C12orf42: variants seen among roughly 807,000 people sequenced by gnomAD.
C12orf42 encodes the protein chromosome 12 open reading frame 42, also known as uncharacterized protein C12orf42.
C12orf42 carries 25 observed loss-of-function variants against 21.6 expected under a neutral mutation model. The ratio of observed to expected loss-of-function variants is 1.16; its 90% CI spans 0.84 to 1.62. The LOEUF (loss-of-function observed/expected upper bound fraction) is 1.62. Among genes scored for constraint, C12orf42 ranks in the 40% most tolerant of loss-of-function variants. The probability of loss-of-function intolerance (pLI) is 0.00; values close to 1 mark genes in which losing one functional copy is unlikely to be tolerated. For missense variants in C12orf42, 483 were observed against 459.3 expected (o/e 1.05, Z -0.47); for synonymous variants, 174 against 175.0 (o/e 0.99, Z 0.05).
chr12:103,305,969 C>A lies in C12orf42; in HGVS notation c.631+5G>T, dbSNP rs377122822. 46 of 1,597,066 alleles carry A rather than the reference C, an allele frequency of 2.9e-5. No individual in the cohort carries two copies. The highest frequency in any genetic ancestry group is 3.7e-5 in the Non-Finnish European group (43 of 1,167,392). On this transcript the variant is annotated splice_donor_5th_base_variant and intron_variant, in intron 5 of 5. Transcript: ENST00000548883. The stretch of plus-strand genomic sequence containing the variant: ...AAGAGTCAGTAACCACAACATGATA[C>A]TTACCAGAATTTTTCTTGGGACTGC...
downstream of C12orf42, among the ~76,000 whole-genome samples, chr12:103,301,239 T>C (rs745889099): frequency 6.6e-6 from 1 of 152,220 alleles, no homozygotes; most frequent in Non-Finnish European, 1.5e-5. Flanking sequence ...TATCAAACTC[T>C]GTGAATCCAA....
At chr12:103,488,541 A>G (rs944051818) in intron 1 of C12orf42, among the ~76,000 whole-genome samples, 1 of 152,184 alleles carries the variant, frequency 6.6e-6, no homozygotes, top group Non-Finnish European at 1.5e-5. Context: ...TATCCTGAAG[A>G]GTGTTTTCCA....
Position 103,375,684 on chromosome 12 carries a change from T to A in C12orf42, c.148-6686A>T, listed in dbSNP as rs575848617. Among the ~76,000 whole-genome samples the A allele has an allele frequency of 5.9e-5, 9 of 152,310 alleles. No individual in the cohort carries two copies. In the East Asian group the frequency reaches 1.7e-3, roughly 29 times the overall value. On this transcript the variant is annotated intron_variant, in intron 3 of 5. Coordinates refer to ENST00000548883, the MANE Select transcript of C12orf42 (RefSeq NM_198521.5). ...ATTGCTATTACCCCATTATATTTTATAATTAATAACATAGTTATAAAGAAA... is the reference window on the plus strand; with the variant it reads ...ATTGCTATTACCCCATTATATTTTAAAATTAATAACATAGTTATAAAGAAA...
chr12:103,506,883 ATATTAAATATATATT>A, the C12orf42 span, among the ~76,000 whole-genome samples: 5 of 69,640 alleles, frequency 7.2e-5, no homozygotes, highest in African/African-American at 2.1e-4. Context: ...TATATATTAT[ATATTAAATATATATT>A]TATATATTAT....
Position 103,458,294 on chromosome 12 carries a change from T to C in C12orf42, c.78+20055A>G, listed in dbSNP as rs533789779. Among the ~76,000 whole-genome samples, 5 of 151,884 alleles carry C rather than the reference T, an allele frequency of 3.3e-5. No individual in the cohort carries two copies. The South Asian group carries it at 1.0e-3, about 32-fold the overall frequency. On this transcript the variant is annotated intron_variant, in intron 2 of 5. Coordinates refer to ENST00000548883, the MANE Select transcript of C12orf42 (RefSeq NM_198521.5). The stretch of plus-strand genomic sequence containing the variant: ...AGGAGAACTTACCCTCTCCACAGAC[T>C]CTGAAACTAGGAGATTTGTATCTTT...
the C12orf42 span, among the ~76,000 whole-genome samples, chr12:103,525,696 A>G: frequency 6.6e-6 from 1 of 152,212 alleles, no homozygotes; most frequent in Admixed American, 6.5e-5. Context: ...TGACACCTAC[A>G]GCAGTCAAAT....
chr12:103,313,454 A>G lies in C12orf42; in HGVS notation c.260-7109T>C, dbSNP rs146642833. 4.2e-3 allele frequency among the ~76,000 whole-genome samples: 639 copies of G among 152,336 alleles called. 4 individuals carry two copies. The highest frequency in any genetic ancestry group is 0.015 in the African/African-American group (603 of 41,570). On this transcript the variant is annotated intron_variant, in intron 4 of 5. Transcript: ENST00000548883. ...GTGGCAGAGGTTGGAGGCCAAGAGCACAAGCACTGGATCCAGACTGCTCAA... is the reference window on the plus strand; with the variant it reads ...GTGGCAGAGGTTGGAGGCCAAGAGCGCAAGCACTGGATCCAGACTGCTCAA...
chr12:103,401,159 C>T (rs897213223), intron 3 of C12orf42, among the ~76,000 whole-genome samples: 30 of 152,062 alleles, frequency 2.0e-4, no homozygotes, highest in South Asian at 8.3e-4. Context: ...AGAAAAAGAG[C>T]GTTAGCAACC....
the C12orf42 span, among the ~76,000 whole-genome samples, chr12:103,534,928 T>A: frequency 1.3e-5 from 2 of 152,232 alleles, no homozygotes; most frequent in African/African-American, 4.8e-5. Context: ...ATTCAGGTTC[T>A]CTAAGCTCGG....
chr12:103,102,905 G>C, the C12orf42 span, among the ~76,000 whole-genome samples: 1 of 152,032 alleles, frequency 6.6e-6, no homozygotes. Flanking sequence ...TTGTAGGGCT[G>C]AAATGCCTGC....
chr12:103,126,437 A>T, the C12orf42 span, among the ~76,000 whole-genome samples: 1 of 152,196 alleles, frequency 6.6e-6, no homozygotes, highest in Non-Finnish European at 1.5e-5. Flanking sequence ...TACAACAAAG[A>T]TTTATCTAAA....
rs79249051 is a variant in C12orf42, at chr12:103,384,340, G to A, written c.148-15342C>T. 9.0e-3 allele frequency among the ~76,000 whole-genome samples: 1,367 copies of A among 152,228 alleles called. 103 individuals carry two copies. The East Asian group carries it at 0.17, about 19-fold the overall frequency. On this transcript the variant is annotated intron_variant, in intron 3 of 5. Coordinates refer to ENST00000548883, the MANE Select transcript of C12orf42 (RefSeq NM_198521.5). ...TGAAAAGAACACTGGAGCCACCTACGTCTGAGTTTAAAGCCCAGCATTCAT... is the reference window on the plus strand; with the variant it reads ...TGAAAAGAACACTGGAGCCACCTACATCTGAGTTTAAAGCCCAGCATTCAT...
chr12:103,460,282 A>G (rs1254939543), intron 2 of C12orf42, among the ~76,000 whole-genome samples: 2 of 143,120 alleles, frequency 1.4e-5, no homozygotes, highest in African/African-American at 5.1e-5. Context: ...AAAAAAAAAA[A>G]AGAGAGAGAG....
chr12:103,515,210 C>T, the C12orf42 span, among the ~76,000 whole-genome samples: 20 of 152,278 alleles, frequency 1.3e-4, no homozygotes, highest in South Asian at 3.1e-3. Context: ...GAAGCACAAA[C>T]TGAGTTGAAT....
the C12orf42 span, among the ~76,000 whole-genome samples, chr12:103,229,947 T>C: frequency 5.9e-4 from 90 of 152,314 alleles, no homozygotes; most frequent in African/African-American, 2.1e-3. Flanking sequence ...GGCATACCCA[T>C]GAAGTTTGCC....
chr12:103,207,045 G>A, the C12orf42 span, among the ~76,000 whole-genome samples: 1 of 152,132 alleles, frequency 6.6e-6, no homozygotes, highest in Non-Finnish European at 1.5e-5. Context: ...GTAGCTCTGT[G>A]GCATGCTTTC....
intron 3 of C12orf42, among the ~76,000 whole-genome samples, chr12:103,393,114 T>A (rs533018315): frequency 9.8e-6 from 1 of 102,234 alleles, no homozygotes; most frequent in Admixed American, 8.9e-5. Context: ...TCTGTGTTAG[T>A]CCATTCTTGC....
chr12:103,406,260 G>C (rs2048419494), intron 2 of C12orf42, among the ~76,000 whole-genome samples: 1 of 152,144 alleles, frequency 6.6e-6, no homozygotes, highest in South Asian at 2.1e-4. Context: ...TGAGATTCTG[G>C]TTTTATAACA....
intron 4 of C12orf42, among the ~76,000 whole-genome samples, chr12:103,360,086 A>G (rs1031276485): frequency 6.7e-6 from 1 of 149,970 alleles, no homozygotes; most frequent in African/African-American, 2.4e-5. Context: ...TGCCCCTTCA[A>G]CCACTGTCTC....
Sources: allele counts gnomAD v4.1 joint callset (sites outside exome capture counted in the v4.1 genomes callset), GRCh38; gene constraint gnomAD v4.1.1; transcripts MANE v1.5; gene names NCBI Gene and HGNC (gene_info 2026-07-23, HGNC 2026-07-21).